Variants in ARID4B observed in about 807,000 individuals in gnomAD.
ARID4B encodes AT-rich interaction domain 4B.
Under a neutral mutation model 147.5 loss-of-function variants are expected in ARID4B, and 26 were observed. The observed-to-expected ratio is 0.18, with a 90% CI of 0.13 to 0.24. The LOEUF is 0.24. Among genes scored for constraint, ARID4B ranks in the 10% least tolerant of loss-of-function variants. ARID4B has a pLI of 1.00. For missense variants in ARID4B, 1,179 were observed against 1,511.5 expected (o/e 0.78, Z 3.65); for synonymous variants, 512 against 507.9 (o/e 1.01, Z -0.11).
rs1055733480 is a variant in ARID4B at position 235,308,267 on chromosome 1, T to A, written c.6+18647A>T. Among the ~76,000 whole-genome samples the A allele has an allele frequency of 1.1e-4, 12 of 110,836 alleles. No individual in the cohort carries two copies. In the East Asian group the frequency reaches 2.6e-3, roughly 24 times the overall value. 72.7% of individuals were successfully genotyped at this position (110,836 alleles called of 152,430 possible). A position where few individuals can be genotyped will look rare whatever the true frequency, so the allele number is the denominator to read the frequency against. On this transcript the variant is annotated intron_variant, in intron 2 of 23. Coordinates refer to ENST00000264183, the MANE Select transcript of ARID4B (RefSeq NM_016374.6). ...GCACATGCTACCATGCACAGCTAAT[T>A]TTTGTATTGTATTTTTAGTAGAGAC...
At chr1:235,280,739 C>G (rs1671612867) in intron 2 of ARID4B, among the ~76,000 whole-genome samples, 1 of 152,184 alleles carries the variant, frequency 6.6e-6, no homozygotes, top group Admixed American at 6.5e-5. Context: ...CAAGGAAAAC[C>G]CTGTGACCTA....
intron 15 of ARID4B, 63 bp downstream of exon 15, chr1:235,220,239 T>TTTA: frequency 4.2e-6 from 6 of 1,439,324 alleles, no homozygotes; most frequent in Non-Finnish European, 5.6e-6. Flanking sequence ...ATTTTGGAAC[T>TTTA]TTATAGAGGA....
intron 2 of ARID4B, among the ~76,000 whole-genome samples, chr1:235,312,379 A>G (rs1674114387): frequency 6.6e-6 from 1 of 152,246 alleles, no homozygotes; most frequent in Admixed American, 6.5e-5. Flanking sequence ...CTCATGTTTG[A>G]TTCATATGTG....
intron 20 of ARID4B, chr1:235,181,241 G>A (rs1452534855): frequency 3.1e-6 from 2 of 649,650 alleles, no homozygotes; most frequent in Non-Finnish European, 4.1e-6. Flanking sequence ...CAAAAACAAT[G>A]TTACAGAAAT....
chr1:235,251,323 T>C (rs530011745), intron 6 of ARID4B, among the ~76,000 whole-genome samples: 50 of 151,802 alleles, frequency 3.3e-4, no homozygotes, highest in African/African-American at 1.2e-3. Flanking sequence ...GCATTTATAA[T>C]GGCCTTCAAC....
intron 16 of ARID4B, among the ~76,000 whole-genome samples, chr1:235,218,418 T>C (rs2103019044): frequency 6.6e-6 from 1 of 152,290 alleles, no homozygotes; most frequent in African/African-American, 2.4e-5. Flanking sequence ...CAGCAGATGT[T>C]CCAGAAACAT....
chr1:235,315,283 G>A (rs112773865), intron 2 of ARID4B, among the ~76,000 whole-genome samples: 278 of 152,234 alleles, frequency 1.8e-3, no homozygotes, highest in Non-Finnish European at 2.0e-3. Context: ...AAAATTTAGC[G>A]AGGCATGGTG....
At chr1:235,207,974 T>A (rs1312834558) in intron 17 of ARID4B, among the ~76,000 whole-genome samples, 1 of 152,220 alleles carries the variant, frequency 6.6e-6, no homozygotes, top group Non-Finnish European at 1.5e-5. Context: ...TTTAAGAGTT[T>A]TACAACTGAA....
chr1:235,229,403 G>T lies in ARID4B; in HGVS notation c.743-18C>A. ...TTCAAAGGCTGGAAACAGACCACAA[G>T]GTACATGAACTGAAGAAATTAAGAC... On this transcript the variant is annotated intron_variant, in intron 10 of 23. Transcript: ENST00000264183. 6.5e-7 allele frequency: 1 copy of T among 1,540,020 alleles called. No homozygotes were observed. Among genetic ancestry groups the T allele is most frequent in the Non-Finnish European group, 9.0e-7 (1 of 1,117,308 alleles).
At chr1:235,285,751 G>A (rs1671930188) in intron 2 of ARID4B, among the ~76,000 whole-genome samples, 1 of 152,120 alleles carries the variant, frequency 6.6e-6, no homozygotes, top group Non-Finnish European at 1.5e-5. Context: ...AAGATCACAG[G>A]ATACACAATA....
At chr1:235,169,401 C>T (rs927605754) in intron 23 of ARID4B, among the ~76,000 whole-genome samples, 4 of 151,564 alleles carry the variant, frequency 2.6e-5, no homozygotes, top group Admixed American at 2.0e-4. Flanking sequence ...CCACCACGCC[C>T]GGCTAATTTT....
At chr1:235,290,453 T>C (rs555238744) in intron 2 of ARID4B, among the ~76,000 whole-genome samples, 8 of 147,994 alleles carry the variant, frequency 5.4e-5, no homozygotes, top group African/African-American at 7.4e-5. Context: ...AAAAAGCACA[T>C]GTGCTTTAAT....
At chr1:235,306,283 C>T (rs548137946) in intron 2 of ARID4B, among the ~76,000 whole-genome samples, 49 of 152,178 alleles carry the variant, frequency 3.2e-4, no homozygotes, top group Non-Finnish European at 6.0e-4. Context: ...ACAGGCAGAT[C>T]ACAAGGTCAG....
chr1:235,315,075 C>G (rs945934904), intron 2 of ARID4B, among the ~76,000 whole-genome samples: 1 of 152,010 alleles, frequency 6.6e-6, no homozygotes, highest in Non-Finnish European at 1.5e-5. Context: ...AAAAATTTAT[C>G]TATAAACTAG....
chr1:235,245,049 A>T (rs1669216393), intron 7 of ARID4B, among the ~76,000 whole-genome samples: 1 of 152,202 alleles, frequency 6.6e-6, no homozygotes, highest in African/African-American at 2.4e-5. Flanking sequence ...GAGCAAGCAA[A>T]ACAAGATTAC....
At chr1:235,257,529 T>A in intron 3 of ARID4B, among the ~76,000 whole-genome samples, 1 of 151,914 alleles carries the variant, frequency 6.6e-6, no homozygotes, top group East Asian at 1.9e-4. Context: ...GTCGCCCAGG[T>A]TGGAGTGCAG....
intron 16 of ARID4B, among the ~76,000 whole-genome samples, chr1:235,215,809 G>C (rs928647922): frequency 6.6e-6 from 1 of 151,406 alleles, no homozygotes; most frequent in Admixed American, 6.6e-5. Context: ...GGCTGGTCTT[G>C]AACTCCCGGG....
chr1:235,194,247 T>C lies in ARID4B; in HGVS notation c.1927-36A>G. 2.7e-6 allele frequency: 4 copies of C among 1,457,976 alleles called. No individual in the cohort carries two copies. In the South Asian group the frequency reaches 4.6e-5, roughly 17 times the overall value. 90.3% of individuals were successfully genotyped at this position (1,457,976 alleles called of 1,614,324 possible). A position where few individuals can be genotyped will look rare whatever the true frequency, so the allele number is the denominator to read the frequency against. Reference sequence around the variant, plus strand: ...AAAAAAAGTATGTCGTAATTTATCATAAGGCATTTATCAGAAACAATGTTA... The same window carrying C: ...AAAAAAAGTATGTCGTAATTTATCACAAGGCATTTATCAGAAACAATGTTA... On this transcript the variant is annotated intron_variant, in intron 18 of 23. Coordinates refer to ENST00000264183, the MANE Select transcript of ARID4B (RefSeq NM_016374.6).
chr1:235,313,969 C>T (rs961437619), intron 2 of ARID4B, among the ~76,000 whole-genome samples: 11 of 152,266 alleles, frequency 7.2e-5, no homozygotes, highest in African/African-American at 2.6e-4. Flanking sequence ...TCCCCGAAAG[C>T]CTACTTAAAC....
Sources: allele counts gnomAD v4.1 joint callset (sites outside exome capture counted in the v4.1 genomes callset), GRCh38; gene constraint gnomAD v4.1.1; transcripts MANE v1.5; gene names NCBI Gene and HGNC (gene_info 2026-07-23, HGNC 2026-07-21).